Variants in USP26 observed in about 807,000 individuals in gnomAD.
USP26 encodes ubiquitin specific peptidase 26, also known as ubiquitin carboxyl-terminal hydrolase 26.
For missense variants in USP26, 649 were observed against 642.3 expected, an observed-to-expected ratio of 1.01 and a Z score of -0.11; for synonymous variants, 236 against 240.6, an observed-to-expected ratio of 0.98 and a Z score of 0.18.
Position 133,026,085 on chromosome X carries a change from C to A in USP26, c.2136G>T (p.Arg712Ser), listed in dbSNP as rs756451190. The A allele has an allele frequency of 6.6e-6, 8 of 1,208,090 alleles. No homozygotes were observed. The East Asian group carries it at 8.9e-5, about 13-fold the overall frequency. ...ACAAATCTTTAGTAGGATTGATAAT[C>A]CTATCAAAAGCTACAAACTTACTGG... is the stretch of plus-strand genomic sequence containing the variant. ...VKTSKFVAFD[R>S]IINPTKDLYE... The change falls in exon 6 of 6, where the codon AGG (arginine) becomes AGT (serine). Residue 712 changes from arginine to serine, a missense_variant. By Grantham distance (110) the Arg-to-Ser change is moderately radical (BLOSUM62 -1). Transcript: ENST00000511190.
chrX:133,061,706 G>A (rs781340292), intron 5 of USP26, among the ~76,000 whole-genome samples: 1 of 111,864 alleles, frequency 8.9e-6, no homozygotes, highest in Admixed American at 9.5e-5. Context: ...GAGCTGGGGG[G>A]CCTCCCTTTC....
At chrX:133,049,424 T>C (rs1461426080) in intron 5 of USP26, among the ~76,000 whole-genome samples, 3 of 112,339 alleles carry the variant, frequency 2.7e-5, no homozygotes, top group African/African-American at 6.5e-5. Flanking sequence ...TCTCCACTGA[T>C]TACCTGTGCT....
intron 5 of USP26, among the ~76,000 whole-genome samples, chrX:133,075,113 T>C (rs776749679): frequency 3.6e-5 from 4 of 111,435 alleles, no homozygotes; most frequent in Non-Finnish European, 7.5e-5. Flanking sequence ...ACATACCTTT[T>C]TCTTCTCCAG....
At chrX:133,074,422 G>A (rs187556783) in intron 5 of USP26, among the ~76,000 whole-genome samples, 129 of 111,749 alleles carry the variant, frequency 1.2e-3, no homozygotes, top group African/African-American at 3.6e-3. Flanking sequence ...TGAATACTCC[G>A]TTGAGGAATC....
intron 1 of USP26, among the ~76,000 whole-genome samples, chrX:133,095,108 AAAAG>A (rs1390281197): frequency 5.8e-5 from 6 of 102,814 alleles, no homozygotes; most frequent in South Asian, 8.3e-4. Context: ...AAAAAAAAAA[AAAAG>A]AAAGAAAGAA....
chrX:133,056,096 A>G (rs929508307), intron 5 of USP26, among the ~76,000 whole-genome samples: 5 of 111,839 alleles, frequency 4.5e-5, no homozygotes, highest in Non-Finnish European at 7.5e-5. Flanking sequence ...AATAAGCAAA[A>G]GGGGTATAAT....
chrX:133,076,425 A>G (rs1358084599), intron 5 of USP26, among the ~76,000 whole-genome samples: 2 of 110,944 alleles, frequency 1.8e-5, no homozygotes, highest in African/African-American at 6.6e-5. Context: ...TAACTATAGG[A>G]CTGGGTCAAA....
At chrX:133,081,887 C>T (rs1035442045) in intron 5 of USP26, among the ~76,000 whole-genome samples, 2 of 112,072 alleles carry the variant, frequency 1.8e-5, no homozygotes, top group African/African-American at 6.5e-5. Context: ...GGCAACAGTA[C>T]TGGACATTTC....
At chrX:133,082,548 T>C (rs2067574022) in intron 5 of USP26, among the ~76,000 whole-genome samples, 2 of 112,453 alleles carry the variant, frequency 1.8e-5, no homozygotes, top group Admixed American at 1.9e-4. Context: ...GGAACTATTA[T>C]TTTTGTGAGT....
intron 5 of USP26, among the ~76,000 whole-genome samples, chrX:133,055,850 C>A (rs1602979173): frequency 9.0e-6 from 1 of 111,721 alleles, no homozygotes; most frequent in South Asian, 3.8e-4. Flanking sequence ...TGTAAGGCCA[C>A]CAATTCTATC....
chrX:133,076,070 C>A (rs1024180273), intron 5 of USP26, among the ~76,000 whole-genome samples: 2 of 111,642 alleles, frequency 1.8e-5, no homozygotes, highest in Non-Finnish European at 3.8e-5. Context: ...GAAGCCCAAA[C>A]TGATAGCTTC....
chrX:133,087,694 G>A (rs2067594364), intron 4 of USP26, among the ~76,000 whole-genome samples: 1 of 112,332 alleles, frequency 8.9e-6, no homozygotes, highest in Non-Finnish European at 1.9e-5. Context: ...TAATCTTTGT[G>A]TGTATAGCAC....
At chrX:133,088,161 C>T (rs1360937177) in intron 4 of USP26, among the ~76,000 whole-genome samples, 1 of 110,789 alleles carries the variant, frequency 9.0e-6, no homozygotes, top group East Asian at 2.8e-4. Flanking sequence ...CAGAGTGAGA[C>T]CCTGTCTCAA....
In USP26 at chrX:133,028,282, G is replaced by C. The variant is rs1221918877; in HGVS notation, c.-62C>G. The C allele has an allele frequency of 1.4e-5, 16 of 1,154,212 alleles. No individual in the cohort carries two copies. The highest frequency in any genetic ancestry group is 1.8e-5 in the Non-Finnish European group (15 of 847,433). On this transcript the variant is annotated 5_prime_UTR_variant, in exon 6 of 6. Transcript: ENST00000511190. ...ATTGATAATCTTGAAGTTCCAATCT[G>C]TTTTGCAAGTTCAGCTGTGAAGACA... is the stretch of plus-strand genomic sequence containing the variant.
intron 1 of USP26, among the ~76,000 whole-genome samples, chrX:133,091,708 A>G (rs1360870434): frequency 1.8e-5 from 2 of 111,157 alleles, no homozygotes; most frequent in East Asian, 2.8e-4. Flanking sequence ...TATCTCTAGA[A>G]CTCTAGGAAG....
chrX:133,081,890 G>C (rs959784545), intron 5 of USP26, among the ~76,000 whole-genome samples: 1 of 111,994 alleles, frequency 8.9e-6, no homozygotes, highest in Non-Finnish European at 1.9e-5. Context: ...AACAGTACTG[G>C]ACATTTCTTT....
At chrX:133,079,480 C>T (rs2067562327) in intron 5 of USP26, among the ~76,000 whole-genome samples, 1 of 111,730 alleles carries the variant, frequency 9.0e-6, no homozygotes, top group African/African-American at 3.3e-5. Flanking sequence ...GAATAAGAGA[C>T]TTCTTAATAC....
At chrX:133,047,336 C>A (rs1433563780) in intron 5 of USP26, among the ~76,000 whole-genome samples, 5 of 112,057 alleles carry the variant, frequency 4.5e-5, no homozygotes, top group African/African-American at 1.6e-4. Context: ...AATTCTTGGC[C>A]TTTGCCTCTG....
At chrX:133,091,139 T>G (rs1214384866) in intron 2 of USP26, among the ~76,000 whole-genome samples, 1 of 112,183 alleles carries the variant, frequency 8.9e-6, no homozygotes, top group Non-Finnish European at 1.9e-5. Context: ...GACAACAATG[T>G]ATGGAACAGT....
Sources: gnomAD v4.1 joint callset for allele counts (sites outside exome capture counted in the v4.1 genomes callset) on GRCh38, gnomAD v4.1.1 for gene constraint, MANE v1.5 for transcripts, NCBI Gene and HGNC (gene_info 2026-07-23, HGNC 2026-07-21) for gene names.